The following CDH13 variants were observed in gnomAD, a reference collection of about 807,000 sequenced individuals.
The protein encoded by CDH13 is cadherin 13.
CDH13 carries 24 observed loss-of-function variants against 63.8 expected under a neutral mutation model. The observed-to-expected ratio is 0.38, with a 90% confidence interval of 0.27 to 0.53. The LOEUF is 0.53. CDH13 is among the 20% of genes least tolerant of loss of function. The pLI is 0.85. For missense variants in CDH13, 1,049 were observed against 903.1 expected, an observed-to-expected ratio of 1.16 and a Z score of -2.07; for synonymous variants, 503 against 355.3, an observed-to-expected ratio of 1.42 and a Z score of -4.67.
At chr16:82,786,817 C>G (rs773070312) in intron 1 of CDH13, among the ~76,000 whole-genome samples, 1 of 152,022 alleles carries the variant, frequency 6.6e-6, no homozygotes, top group Non-Finnish European at 1.5e-5. Context: ...ATTCATGTCC[C>G]TACAAAGGTC....
At chr16:82,646,888 A>G (rs1464532321) in intron 1 of CDH13, among the ~76,000 whole-genome samples, 4 of 152,212 alleles carry the variant, frequency 2.6e-5, no homozygotes, top group Non-Finnish European at 5.9e-5. Context: ...CAGCACGTTC[A>G]GGGGGTAATG....
intron 10 of CDH13, among the ~76,000 whole-genome samples, chr16:83,724,018 G>C (rs954719498): frequency 3.9e-5 from 6 of 152,160 alleles, no homozygotes; most frequent in Non-Finnish European, 2.9e-5. Flanking sequence ...ATGAATGCAT[G>C]GGTGGGTGAT....
chr16:83,063,151 A>G (rs1206066197), intron 3 of CDH13, among the ~76,000 whole-genome samples: 1 of 152,052 alleles, frequency 6.6e-6, no homozygotes, highest in Non-Finnish European at 1.5e-5. Flanking sequence ...TAGTAGAGAC[A>G]GGGTTTCACC....
At chr16:82,792,310 C>A (rs1386866236) in intron 1 of CDH13, among the ~76,000 whole-genome samples, 1 of 152,148 alleles carries the variant, frequency 6.6e-6, no homozygotes, top group Non-Finnish European at 1.5e-5. Flanking sequence ...CCCTTTCTCG[C>A]TTGCTTGGAA....
chr16:83,247,973 C>G (rs1250079995), intron 5 of CDH13, among the ~76,000 whole-genome samples: 1 of 152,140 alleles, frequency 6.6e-6, no homozygotes, highest in Non-Finnish European at 1.5e-5. Context: ...TTTCTGAAGT[C>G]CAGGAAGCCC....
intron 2 of CDH13, among the ~76,000 whole-genome samples, chr16:82,877,201 T>C (rs1053833868): frequency 4.6e-5 from 7 of 152,208 alleles, no homozygotes; most frequent in African/African-American, 7.2e-5. Context: ...ATTCATGACA[T>C]CTTGATTTAA....
In CDH13 at chr16:82,922,909, C is replaced by T. The variant is rs118058940; in HGVS notation, c.157+64436C>T. Among the ~76,000 whole-genome samples, 87 of 152,194 alleles carry T rather than the reference C, an allele frequency of 5.7e-4. No individual in the cohort carries two copies. In the East Asian group the frequency reaches 0.013, roughly 23 times the overall value. On this transcript the variant is annotated intron_variant, in intron 2 of 13. Transcript: ENST00000567109. ...ATATTGAGGATTTGATTCCAGACAA[C>T]GGCAATCAAGGAAATATTGCAATAA...
intron 11 of CDH13, among the ~76,000 whole-genome samples, chr16:83,769,794 C>A (rs1914641590): frequency 6.6e-6 from 1 of 152,010 alleles, no homozygotes; most frequent in Non-Finnish European, 1.5e-5. Context: ...ACGTAGATGA[C>A]CTTGCCTTGT....
chr16:82,892,980 G>A (rs1004010945), intron 2 of CDH13, among the ~76,000 whole-genome samples: 2 of 152,096 alleles, frequency 1.3e-5, no homozygotes, highest in East Asian at 1.9e-4. Context: ...ACCTGTGAAC[G>A]GTAACTTTAC....
At chr16:83,482,881 C>T (rs7203798) in intron 6 of CDH13, among the ~76,000 whole-genome samples, 61,517 of 152,092 alleles carry the variant, frequency 0.4, 13,228 homozygotes, top group Middle Eastern at 0.5. Flanking sequence ...GTCCCACATT[C>T]TTTGGACAAC....
chr16:83,494,836 A>G (rs894923374), intron 7 of CDH13, among the ~76,000 whole-genome samples: 1 of 152,210 alleles, frequency 6.6e-6, no homozygotes, highest in African/African-American at 2.4e-5. Context: ...TCATAGGATA[A>G]AAGCTTGTTG....
chr16:82,862,200 A>C (rs2039971824), intron 2 of CDH13, among the ~76,000 whole-genome samples: 1 of 152,176 alleles, frequency 6.6e-6, no homozygotes, highest in Non-Finnish European at 1.5e-5. Flanking sequence ...CTGACATCTT[A>C]GTACCACCAG....
chr16:83,503,844 C>T (rs1201665150), intron 7 of CDH13, among the ~76,000 whole-genome samples: 1 of 151,918 alleles, frequency 6.6e-6, no homozygotes, highest in Non-Finnish European at 1.5e-5. Context: ...CTATAGGTTG[C>T]CTGTTCATTC....
At chr16:83,469,453 C>T (rs999444726) in intron 6 of CDH13, among the ~76,000 whole-genome samples, 1 of 152,172 alleles carries the variant, frequency 6.6e-6, no homozygotes, top group Non-Finnish European at 1.5e-5. Flanking sequence ...ACAGGAAAAA[C>T]ATATTGAGGC....
At chr16:83,135,872 C>A (rs528225736) in intron 4 of CDH13, among the ~76,000 whole-genome samples, 1 of 152,266 alleles carries the variant, frequency 6.6e-6, no homozygotes, top group Non-Finnish European at 1.5e-5. Flanking sequence ...GCATTTGCAG[C>A]AACCTGGATG....
At chr16:82,792,232 C>A (rs971133025) in intron 1 of CDH13, among the ~76,000 whole-genome samples, 6 of 152,116 alleles carry the variant, frequency 3.9e-5, no homozygotes, top group African/African-American at 1.4e-4. Context: ...GGGATTCCTG[C>A]CGCGTGGGCT....
intron 6 of CDH13, among the ~76,000 whole-genome samples, chr16:83,480,674 G>A (rs1185879688): frequency 6.6e-6 from 1 of 152,102 alleles, no homozygotes; most frequent in Non-Finnish European, 1.5e-5. Context: ...TGGCCTGCAG[G>A]GTGACCACCT....
At chr16:82,687,149 G>A (rs1007824651) in intron 1 of CDH13, among the ~76,000 whole-genome samples, 2 of 152,156 alleles carry the variant, frequency 1.3e-5, no homozygotes, top group Admixed American at 1.3e-4. Flanking sequence ...AAGATGGAGA[G>A]GCCAAGTCCT....
At chr16:83,791,632 G>T (rs111579720) in intron 13 of CDH13, among the ~76,000 whole-genome samples, 17,211 of 151,848 alleles carry the variant, frequency 0.11, 1,390 homozygotes, top group African/African-American at 0.23. Context: ...CCAACGTGGT[G>T]AAACCCCATC....
Sources: gnomAD v4.1 joint callset for allele counts (sites outside exome capture counted in the v4.1 genomes callset) on GRCh38, gnomAD v4.1.1 for gene constraint, MANE v1.5 for transcripts, NCBI Gene and HGNC (gene_info 2026-07-23, HGNC 2026-07-21) for gene names.